Variants in KIAA0753 observed in about 807,000 individuals in gnomAD.
The protein encoded by KIAA0753 is protein moonraker.
In KIAA0753, 114 loss-of-function variants were observed where a neutral mutation model predicts 116.9. The observed-to-expected ratio is 0.98, with a 90% CI of 0.84 to 1.14. The LOEUF is 1.14. KIAA0753 is among the 50% of genes most tolerant of loss of function. The pLI, the probability that KIAA0753 is intolerant of heterozygous loss-of-function variation, is 0.00. For synonymous variants in KIAA0753, 405 were observed against 413.1 expected, an observed-to-expected ratio of 0.98 and a Z score of 0.24; for missense variants, 1,156 against 1,172.4, an observed-to-expected ratio of 0.99 and a Z score of 0.20.
intron 18 of KIAA0753, among the ~76,000 whole-genome samples, chr17:6,589,484 C>G (rs1968826427): frequency 6.6e-6 from 1 of 152,092 alleles, no homozygotes; most frequent in African/African-American, 2.4e-5. Flanking sequence ...GTGATGACAG[C>G]CTGAGCTGAC....
Position 6,599,217 on chromosome 17 carries a change from C to T in KIAA0753, c.2172+20G>A, listed in dbSNP as rs1176326956. The T allele has an allele frequency of 6.4e-7, 1 of 1,570,028 alleles. No homozygotes were observed. The highest frequency in any genetic ancestry group is 8.8e-7 in the Non-Finnish European group (1 of 1,140,220). On this transcript the variant is annotated intron_variant, in intron 14 of 18. Transcript: ENST00000361413. ...TTATCAAGCAATAATACCAGAATGCCAATATCACACAACGCATACCTCCTG... is the reference window on the plus strand; with the variant it reads ...TTATCAAGCAATAATACCAGAATGCTAATATCACACAACGCATACCTCCTG...
At chr17:6,629,460 T>C (rs1401231794) in intron 2 of KIAA0753, among the ~76,000 whole-genome samples, 2 of 152,270 alleles carry the variant, frequency 1.3e-5, no homozygotes, top group African/African-American at 4.8e-5. Context: ...GTTTTTCCAC[T>C]AATAGAAATA....
At chr17:6,629,793 T>C (rs1490028220) in intron 2 of KIAA0753, among the ~76,000 whole-genome samples, 1 of 152,182 alleles carries the variant, frequency 6.6e-6, no homozygotes, top group Non-Finnish European at 1.5e-5. Flanking sequence ...GTGACAAAAC[T>C]TCAGGGAAGT....
rs373408632 is a variant in KIAA0753, at chr17:6,583,484, C to T, written c.2787-3620G>A. ...CTCCTGACCTGAGATTCCAACAACA[C>T]GTTAGACCTTCTTACCTCCTCTATG... is the stretch of plus-strand genomic sequence containing the variant. On this transcript the variant is annotated intron_variant, in intron 18 of 18. Coordinates refer to ENST00000361413, the MANE Select transcript of KIAA0753 (RefSeq NM_014804.3). 4.5e-4 allele frequency among the ~76,000 whole-genome samples: 68 copies of T among 152,212 alleles called. 1 individual carries two copies. Among genetic ancestry groups the T allele is most frequent in the Admixed American group, 1.4e-3 (22 of 15,276 alleles).
chr17:6,617,269 T>C (rs1011388422), intron 7 of KIAA0753, among the ~76,000 whole-genome samples: 1 of 152,102 alleles, frequency 6.6e-6, no homozygotes, highest in African/African-American at 2.4e-5. Context: ...TCATAGAGGA[T>C]ATAAGGACAA....
intron 10 of KIAA0753, among the ~76,000 whole-genome samples, chr17:6,607,758 T>C (rs1260291395): frequency 6.6e-6 from 1 of 152,252 alleles, no homozygotes; most frequent in Non-Finnish European, 1.5e-5. Flanking sequence ...TTCCCATAAC[T>C]GTAAGAATAA....
intron 13 of KIAA0753, 112 bp from the exon 14 acceptor site, chr17:6,599,432 T>C (rs1969701118): frequency 2.8e-6 from 2 of 715,324 alleles, no homozygotes; most frequent in South Asian, 3.5e-5. Context: ...CAGCTTTAGC[T>C]ACATTAGGCT....
At position 6,628,289 on chromosome 17, in the gene KIAA0753, C is replaced by T. The variant is rs1971804218; in HGVS notation, c.546G>A (p.Gln182=). The change falls in exon 3 of 19, where the codon CAG becomes CAA. Residue 182 remains glutamine (Q), a synonymous_variant. Transcript: ENST00000361413. ...KVYLYSSHPG[Q]SDLTVPNSPP... is the part of the protein sequence containing the mutation. ...GCGAATTTGGCACAGTAAGATCTGA[C>T]TGGCCTGGATGAGATGAGTAAAGGT... 3 of 1,614,062 alleles carry T rather than the reference C, an allele frequency of 1.9e-6. No homozygotes were observed. Among genetic ancestry groups the T allele is most frequent in the East Asian group, 4.5e-5 (2 of 44,894 alleles).
At chr17:6,636,066 T>C (rs1171826333) in intron 1 of KIAA0753, 1 of 152,224 alleles carries the variant, frequency 6.6e-6, no homozygotes, top group Admixed American at 6.5e-5. Context: ...TTTAAATCTC[T>C]GGGGAATTTG....
At chr17:6,623,374 T>C (rs1478697327) in intron 5 of KIAA0753, 135 bp downstream of exon 5, 1 of 721,522 alleles carries the variant, frequency 1.4e-6, no homozygotes, top group African/African-American at 1.8e-5. Context: ...ATATGTAAGG[T>C]GCTCACTCCC....
At chr17:6,609,876 T>C (rs1307080061) in intron 9 of KIAA0753, 118 bp downstream of exon 9, 1 of 1,140,098 alleles carries the variant, frequency 8.8e-7, no homozygotes, top group East Asian at 2.4e-5. Context: ...GGATTTCTGC[T>C]TAATGGAAAA....
At position 6,595,894 on chromosome 17, in the gene KIAA0753, C is replaced by T. The variant is rs553193644; in HGVS notation, c.2358+264G>A. Among the ~76,000 whole-genome samples, 7 of 152,278 alleles carry T rather than the reference C, an allele frequency of 4.6e-5. No individual in the cohort carries two copies. The South Asian group carries it at 1.2e-3, about 27-fold the overall frequency. ...CTTCGGAATTACACATCAGTGATAT[C>T]GGGGGATAATAATAATGGTCACTTA... On this transcript the variant is annotated intron_variant, in intron 15 of 18. Transcript: ENST00000361413.
rs1968855099 is a variant in KIAA0753 at position 6,589,775 on chromosome 17, T to A, written c.2786+4A>T. On this transcript the variant is annotated splice_donor_region_variant and intron_variant, in intron 18 of 18. Coordinates refer to ENST00000361413, the MANE Select transcript of KIAA0753 (RefSeq NM_014804.3). Reference sequence around the variant, plus strand: ...TAAACAGAGGACCGTAACATTTTACTGACCTTTCAGCTATCAGCCACGGGT... The same window carrying A: ...TAAACAGAGGACCGTAACATTTTACAGACCTTTCAGCTATCAGCCACGGGT... 6.3e-7 allele frequency: 1 copy of A among 1,590,968 alleles called. No homozygotes were observed. The highest frequency in any genetic ancestry group is 8.5e-7 in the Non-Finnish European group (1 of 1,173,434).
intron 13 of KIAA0753, among the ~76,000 whole-genome samples, chr17:6,599,742 T>C (rs1279724942): frequency 6.6e-6 from 1 of 152,232 alleles, no homozygotes; most frequent in Non-Finnish European, 1.5e-5. Flanking sequence ...AATTTAACAT[T>C]TCTCTAACTA....
chr17:6,587,164 G>C (rs929140554), intron 18 of KIAA0753, among the ~76,000 whole-genome samples: 1 of 152,014 alleles, frequency 6.6e-6, no homozygotes, highest in Non-Finnish European at 1.5e-5. Flanking sequence ...CCCAGGAGGC[G>C]GAGGTTGCAG....
At position 6,595,113 on chromosome 17, in the gene KIAA0753, G is replaced by C. The variant is rs1969372563; in HGVS notation, c.2359-60C>G. On this transcript the variant is annotated intron_variant, in intron 15 of 18. Coordinates refer to ENST00000361413, the MANE Select transcript of KIAA0753 (RefSeq NM_014804.3). ...AAAAAATGAGTTTAATTACAAACCAGAACTGGTAAAGATGTAAAAGTTCAG... is the reference window on the plus strand; with the variant it reads ...AAAAAATGAGTTTAATTACAAACCACAACTGGTAAAGATGTAAAAGTTCAG... 1.1e-5 allele frequency: 13 copies of C among 1,206,406 alleles called. 2 individuals are homozygous for C. The South Asian group carries it at 1.6e-4, about 14-fold the overall frequency. 74.7% of individuals were successfully genotyped at this position (1,206,406 alleles called of 1,614,324 possible).
chr17:6,609,942 T>C (rs1422599285), intron 9 of KIAA0753, 52 bp downstream of exon 9: 45 of 1,587,610 alleles, frequency 2.8e-5, no homozygotes, highest in South Asian at 2.7e-4. Context: ...CTTTGATATA[T>C]GGAGGAAAAA....
chr17:6,599,085 G>T, intron 14 of KIAA0753, 152 bp downstream of exon 14: 5 of 612,898 alleles, frequency 8.2e-6, no homozygotes, highest in Non-Finnish European at 1.2e-5. Context: ...ATATACACTG[G>T]AAGAATTAAC....
chr17:6,587,653 T>A (rs563141851), intron 18 of KIAA0753, among the ~76,000 whole-genome samples: 24 of 152,318 alleles, frequency 1.6e-4, no homozygotes, highest in African/African-American at 5.5e-4. Flanking sequence ...TCAGAATACA[T>A]GTGAAGACAA....
Sources: allele counts gnomAD v4.1 joint callset (sites outside exome capture counted in the v4.1 genomes callset), GRCh38; gene constraint gnomAD v4.1.1; transcripts MANE v1.5; gene names NCBI Gene and HGNC (gene_info 2026-07-23, HGNC 2026-07-21).